RTTN: variants seen among roughly 807,000 people sequenced by gnomAD.
RTTN encodes the protein rotatin.
A neutral mutation model predicts 269.2 loss-of-function variants in RTTN; 182 were observed. The ratio of observed to expected loss-of-function variants is 0.68; its 90% CI spans 0.60 to 0.76. The LOEUF is 0.76. RTTN is among the 30% of genes least tolerant of loss of function. The pLI is 0.00. For missense variants in RTTN, 2,545 were observed against 2,608.6 expected (o/e 0.98, Z 0.53); for synonymous variants, 1,006 against 963.5 (o/e 1.04, Z -0.82).
chr18:70,159,752 C>T (rs1209489219), intron 14 of RTTN, among the ~76,000 whole-genome samples: 1 of 152,028 alleles, frequency 6.6e-6, no homozygotes, highest in African/African-American at 2.4e-5. Flanking sequence ...GTGACATTAT[C>T]ACTGACCCCA....
intron 40 of RTTN, among the ~76,000 whole-genome samples, chr18:70,035,872 C>T (rs2057157517): frequency 1.3e-5 from 2 of 151,996 alleles, no homozygotes; most frequent in Non-Finnish European, 2.9e-5. Flanking sequence ...AAAAACAACC[C>T]CATTAAGAAG....
chr18:70,110,664 C>T (rs1452988589), intron 27 of RTTN, among the ~76,000 whole-genome samples: 1 of 152,168 alleles, frequency 6.6e-6, no homozygotes, highest in East Asian at 1.9e-4. Flanking sequence ...TGCAGTAGTT[C>T]TTTTTTCCCA....
rs200438852 is a variant in RTTN at position 70,054,304 on chromosome 18, G to T, written c.5032-20C>A. 275 of 1,584,326 alleles carry T rather than the reference G, an allele frequency of 1.7e-4. 3 individuals are homozygous for T. Among genetic ancestry groups the T allele is most frequent in the Non-Finnish European group, 7.6e-5 (88 of 1,164,602 alleles). ...GGAAACCTGTTTGAAAAGGAGACAGGGTCAAATCAAACATGCCATATAAAA... is the reference window on the plus strand; with the variant it reads ...GGAAACCTGTTTGAAAAGGAGACAGTGTCAAATCAAACATGCCATATAAAA... On this transcript the variant is annotated intron_variant, in intron 37 of 48. Transcript: ENST00000640769.
chr18:70,124,433 A>C (rs1348498180), intron 25 of RTTN, among the ~76,000 whole-genome samples: 1 of 152,090 alleles, frequency 6.6e-6, no homozygotes, highest in African/African-American at 2.4e-5. Context: ...AAGCCACATG[A>C]CAATCAGGGT....
At chr18:70,123,806 G>C (rs1283983702) in intron 25 of RTTN, among the ~76,000 whole-genome samples, 1 of 151,960 alleles carries the variant, frequency 6.6e-6, no homozygotes, top group Non-Finnish European at 1.5e-5. Flanking sequence ...AGTTCCATGA[G>C]AGCAGGACCC....
At chr18:70,204,710 A>C (rs1410930773) in intron 2 of RTTN, among the ~76,000 whole-genome samples, 1 of 152,256 alleles carries the variant, frequency 6.6e-6, no homozygotes, top group Non-Finnish European at 1.5e-5. Context: ...AGGCATAAGA[A>C]TACCAATCTA....
intron 11 of RTTN, among the ~76,000 whole-genome samples, chr18:70,170,212 C>G (rs537178053): frequency 7.9e-4 from 121 of 152,256 alleles, no homozygotes; most frequent in Non-Finnish European, 1.4e-3. Flanking sequence ...ATTAATTAGG[C>G]CTTACTATGT....
At chr18:70,157,796 T>A (rs1240544255) in intron 14 of RTTN, among the ~76,000 whole-genome samples, 1 of 151,886 alleles carries the variant, frequency 6.6e-6, no homozygotes, top group East Asian at 1.9e-4. Context: ...AAAAATTTCA[T>A]GATAGGAATT....
chr18:70,103,661 T>C (rs1366670309), intron 28 of RTTN, among the ~76,000 whole-genome samples: 2 of 151,690 alleles, frequency 1.3e-5, no homozygotes, highest in Non-Finnish European at 2.9e-5. Context: ...CCAGAGACCT[T>C]TGTTCAAGTG....
chr18:70,020,917 G>T, intron 44 of RTTN, 100 bp from the exon 45 acceptor site: 1 of 958,674 alleles, frequency 1.0e-6, no homozygotes, highest in Non-Finnish European at 1.6e-6. Context: ...AAATGACTAG[G>T]CCATTAACCT....
rs149812301 is a variant in RTTN, at chr18:70,063,438, C to T, written c.4747+2391G>A. Among the ~76,000 whole-genome samples, 268 of 152,226 alleles carry T rather than the reference C, an allele frequency of 1.8e-3. 1 individual carries two copies. Among genetic ancestry groups the T allele is most frequent in the African/African-American group, 5.9e-3 (243 of 41,536 alleles). Reference sequence around the variant, plus strand: ...TGTGTTCTTTTCCCCTCAAATATTACGCCTGTAATCCCAGCCACTTGGGAA... The same window carrying T: ...TGTGTTCTTTTCCCCTCAAATATTATGCCTGTAATCCCAGCCACTTGGGAA... On this transcript the variant is annotated intron_variant, in intron 35 of 48. Coordinates refer to ENST00000640769, the MANE Select transcript of RTTN (RefSeq NM_173630.4).
rs1227724770 is a variant in RTTN, at chr18:70,176,963, C to G, written c.1306-118G>C. 4.2e-6 allele frequency: 3 copies of G among 713,102 alleles called. No homozygotes were observed. The African/African-American group carries it at 5.5e-5, about 13-fold the overall frequency. 44.2% of individuals were successfully genotyped at this position (713,102 alleles called of 1,614,324 possible). A position where few individuals can be genotyped will look rare whatever the true frequency, so the allele number is the denominator to read the frequency against. On this transcript the variant is annotated intron_variant, in intron 10 of 48. Coordinates refer to ENST00000640769, the MANE Select transcript of RTTN (RefSeq NM_173630.4). ...ATTTTCATTAAATAGGAAAACAAAT[C>G]AAAACAGAATTTATTCCTGTGAGAA...
chr18:70,135,410 C>A (rs2060101205), intron 21 of RTTN, 130 bp from the exon 22 acceptor site: 1 of 556,388 alleles, frequency 1.8e-6, no homozygotes, highest in Non-Finnish European at 3.1e-6. Flanking sequence ...CACTAAAACA[C>A]AGGCTTTCAT....
At chr18:70,112,386 TCA>T (rs2059491528) in intron 27 of RTTN, among the ~76,000 whole-genome samples, 1 of 149,206 alleles carries the variant, frequency 6.7e-6, no homozygotes, top group Non-Finnish European at 1.5e-5. Context: ...TCAAGACCTA[TCA>T]GTGTGCTATA....
chr18:70,007,656 C>A (rs1433332961), intron 46 of RTTN: 1 of 152,262 alleles, frequency 6.6e-6, no homozygotes, highest in Non-Finnish European at 1.5e-5. Context: ...TCAAACTGGG[C>A]AGAGCCCACC....
chr18:70,110,174 T>C (rs1267421135), intron 27 of RTTN, among the ~76,000 whole-genome samples: 1 of 149,570 alleles, frequency 6.7e-6, no homozygotes, highest in Non-Finnish European at 1.5e-5. Flanking sequence ...GAGGTTACAG[T>C]GAACTAAGAA....
At chr18:70,141,594 C>A (rs1409704037) in intron 19 of RTTN, among the ~76,000 whole-genome samples, 8 of 151,884 alleles carry the variant, frequency 5.3e-5, no homozygotes, top group African/African-American at 1.7e-4. Context: ...GGACACAGGG[C>A]GGGGAACATC....
At chr18:70,073,460 A>G (rs1391391652) in intron 34 of RTTN, among the ~76,000 whole-genome samples, 1 of 152,200 alleles carries the variant, frequency 6.6e-6, no homozygotes, top group African/African-American at 2.4e-5. Flanking sequence ...GCCCTTAAGC[A>G]CAATTTCAGG....
At chr18:70,010,025 A>G (rs547742343) in intron 46 of RTTN, among the ~76,000 whole-genome samples, 1 of 152,384 alleles carries the variant, frequency 6.6e-6, no homozygotes, top group South Asian at 2.1e-4. Flanking sequence ...TCAATGCAAC[A>G]AATAGAACTA....
Sources: gnomAD v4.1 joint callset for allele counts (sites outside exome capture counted in the v4.1 genomes callset) on GRCh38, gnomAD v4.1.1 for gene constraint, MANE v1.5 for transcripts, NCBI Gene and HGNC (gene_info 2026-07-23, HGNC 2026-07-21) for gene names.